SLC23A2: variants seen among roughly 807,000 people sequenced by gnomAD.
SLC23A2 encodes the protein solute carrier family 23 member 2, also known as Na(+)/L-ascorbic acid transporter 2.
SLC23A2 carries 36 observed loss-of-function variants against 73.3 expected under a neutral mutation model. The observed-to-expected ratio is 0.49, with a 90% CI of 0.38 to 0.65. The LOEUF (loss-of-function observed/expected upper bound fraction) is 0.65, where lower values mean the gene tolerates loss of function less well. SLC23A2 is among the 30% of genes least tolerant of loss of function. SLC23A2 has a pLI of 0.00. For synonymous variants in SLC23A2, 343 were observed against 327.3 expected (o/e 1.05, Z -0.52); for missense variants, 507 against 841.6 (o/e 0.60, Z 4.92).
chr20:4,906,811 G>A (rs1931973922), intron 4 of SLC23A2, among the ~76,000 whole-genome samples: 1 of 152,166 alleles, frequency 6.6e-6, no homozygotes, highest in Admixed American at 6.5e-5. Context: ...AAAGCAAAGA[G>A]GAGATCAAGA....
intron 4 of SLC23A2, among the ~76,000 whole-genome samples, chr20:4,907,192 A>T (rs759910243): frequency 3.3e-5 from 5 of 152,228 alleles, no homozygotes; most frequent in Non-Finnish European, 5.9e-5. Context: ...AATGCCAGAA[A>T]CCAGGTCACA....
upstream of SLC23A2, among the ~76,000 whole-genome samples, chr20:5,005,306 T>TA (rs376791563): frequency 2.0e-4 from 31 of 152,202 alleles, 1 homozygote; most frequent in South Asian, 6.2e-3. Flanking sequence ...TATCATCAAT[T>TA]AAAAAAATAC....
chr20:4,915,141 AAAATTGT>A (rs1932280055), intron 3 of SLC23A2, among the ~76,000 whole-genome samples: 1 of 152,242 alleles, frequency 6.6e-6, no homozygotes, highest in Non-Finnish European at 1.5e-5. Context: ...GCTAAAAAAG[AAAATTGT>A]AATGACCCCA....
intron 2 of SLC23A2, among the ~76,000 whole-genome samples, chr20:4,957,826 G>A (rs1196036457): frequency 4.0e-5 from 6 of 151,090 alleles, no homozygotes; most frequent in African/African-American, 9.8e-5. Flanking sequence ...CCCTGAAACC[G>A]GAATGCAGAA....
chr20:4,961,109 CTTTTTTT>C (rs1168797126), intron 2 of SLC23A2, among the ~76,000 whole-genome samples: 8 of 131,148 alleles, frequency 6.1e-5, no homozygotes, highest in Non-Finnish European at 1.3e-4. Context: ...TTTTCTTTTT[CTTTTTTT>C]TTTTTTTTTG....
chr20:4,969,644 G>A (rs181602001), intron 2 of SLC23A2, among the ~76,000 whole-genome samples: 1 of 149,670 alleles, frequency 6.7e-6, no homozygotes, highest in Non-Finnish European at 1.5e-5. Flanking sequence ...GAGTGCGCTG[G>A]CACAATCAGA....
intron 4 of SLC23A2, among the ~76,000 whole-genome samples, chr20:4,912,350 A>G (rs968374066): frequency 2.0e-5 from 3 of 152,186 alleles, no homozygotes; most frequent in Middle Eastern, 3.2e-3. Flanking sequence ...CATAGGCTGC[A>G]TAAACCACTT....
chr20:4,857,254 T>TTGG lies in SLC23A2; in HGVS notation c.1721-51_1721-50insCCA. On this transcript the variant is annotated intron_variant, in intron 16 of 16. Transcript: ENST00000338244. This position sits in a 1 kb window ranked among gnomAD's most constrained non-coding sequence, Gnocchi z 4.0. ...AAAGGAATGCTTCGTTTAGCAGCTC[T>TTGG]ACTGAAAATGAAACTGTCGTCAAAC... 1 of 1,041,202 alleles carries TTGG rather than the reference T, an allele frequency of 9.6e-7. No individual in the cohort carries two copies. Among genetic ancestry groups the TTGG allele is most frequent in the Admixed American group, 2.1e-5 (1 of 48,360 alleles). The allele number at this position is 1,041,202 out of a possible 1,614,324, so 64.5% of individuals were successfully genotyped here. A position where few individuals can be genotyped will look rare whatever the true frequency, so the allele number is the denominator to read the frequency against.
chr20:4,874,171 G>T, intron 10 of SLC23A2, 79 bp from the exon 11 acceptor site: 5 of 1,395,738 alleles, frequency 3.6e-6, no homozygotes, highest in South Asian at 1.3e-5. Flanking sequence ...CCCGCGGTCG[G>T]AATATCACAC....
intron 3 of SLC23A2, among the ~76,000 whole-genome samples, chr20:4,921,629 C>G (rs989418389): frequency 6.6e-6 from 1 of 151,676 alleles, no homozygotes; most frequent in African/African-American, 2.4e-5. Context: ...GAAATACACC[C>G]AAAATATCAG....
intron 1 of SLC23A2, among the ~76,000 whole-genome samples, chr20:5,008,185 C>T (rs1249276143): frequency 6.6e-6 from 1 of 152,156 alleles, no homozygotes; most frequent in Non-Finnish European, 1.5e-5. Context: ...GCTGGGATTA[C>T]AGGTGTGAGC....
intron 2 of SLC23A2, among the ~76,000 whole-genome samples, chr20:4,933,873 G>A (rs1476712115): frequency 6.6e-6 from 1 of 152,132 alleles, no homozygotes; most frequent in Non-Finnish European, 1.5e-5. Context: ...TGTGAGGACA[G>A]GACTGCAATA....
At position 4,883,585 on chromosome 20, in the gene SLC23A2, G is replaced by T; in HGVS notation, c.824+57C>A. ...AAACATTATCTCCTGAAGTCTGTGT[G>T]AATGTTCCTAAAGGCTGCCCCGCAG... is the stretch of plus-strand genomic sequence containing the variant. On this transcript the variant is annotated intron_variant, in intron 9 of 16. Transcript: ENST00000338244. This position sits in a 1 kb window ranked among gnomAD's most constrained non-coding sequence, Gnocchi z 4.5. 1.6e-6 allele frequency: 2 copies of T among 1,222,824 alleles called. No individual in the cohort carries two copies. The highest frequency in any genetic ancestry group is 2.3e-6 in the Non-Finnish European group (2 of 865,702). 75.7% of individuals were successfully genotyped at this position (1,222,824 alleles called of 1,614,324 possible).
At position 4,857,293 on chromosome 20, in the gene SLC23A2, C is replaced by T. The variant is rs139229677; in HGVS notation, c.1721-89G>A. ...CTGTCGTCAAACACATACACACACACACACACACACACACACACACACACA... is the reference window on the plus strand; with the variant it reads ...CTGTCGTCAAACACATACACACACATACACACACACACACACACACACACA... On this transcript the variant is annotated intron_variant, in intron 16 of 16. Coordinates refer to ENST00000338244, the MANE Select transcript of SLC23A2 (RefSeq NM_005116.6). This position sits in a 1 kb window ranked among gnomAD's most constrained non-coding sequence, Gnocchi z 4.0. 1.2e-5 allele frequency: 4 copies of T among 321,458 alleles called. No individual in the cohort carries two copies. Among genetic ancestry groups the T allele is most frequent in the East Asian group, 6.6e-5 (2 of 30,098 alleles). 19.9% of individuals were successfully genotyped at this position (321,458 alleles called of 1,614,324 possible).
chr20:4,939,970 T>C (rs1600153521), intron 2 of SLC23A2, among the ~76,000 whole-genome samples: 1 of 151,982 alleles, frequency 6.6e-6, no homozygotes, highest in East Asian at 1.9e-4. Flanking sequence ...TTAATAAAAA[T>C]CCATTAATAC....
chr20:4,962,123 C>T (rs1038293840), intron 2 of SLC23A2, among the ~76,000 whole-genome samples: 18 of 145,756 alleles, frequency 1.2e-4, no homozygotes, highest in South Asian at 8.7e-4. Context: ...AGAAGAAAAA[C>T]GATGAGAAAA....
chr20:4,992,487 TA>T (rs200366581), intron 1 of SLC23A2, among the ~76,000 whole-genome samples: 1,788 of 134,372 alleles, frequency 0.013, 37 homozygotes, highest in African/African-American at 0.044. Flanking sequence ...CCATGGGAAA[TA>T]AAAAAAGATT....
chr20:4,912,814 T>C, intron 4 of SLC23A2, 66 bp downstream of exon 4: 1 of 1,020,584 alleles, frequency 9.8e-7, no homozygotes, highest in Admixed American at 1.7e-5. Flanking sequence ...CGGATCCAGA[T>C]CCGGGGCAGC....
intron 3 of SLC23A2, among the ~76,000 whole-genome samples, chr20:4,916,844 A>G (rs765088755): frequency 6.6e-6 from 1 of 152,194 alleles, no homozygotes; most frequent in Admixed American, 6.5e-5. Context: ...GCTTTGTGTT[A>G]GATGCTTTTG....
Sources: allele counts gnomAD v4.1 joint callset (sites outside exome capture counted in the v4.1 genomes callset), GRCh38; gene constraint gnomAD v4.1.1; non-coding constraint Gnocchi (gnomAD v3.1); transcripts MANE v1.5; gene names NCBI Gene and HGNC (gene_info 2026-07-23, HGNC 2026-07-21).